The following FREM3 variants were observed in gnomAD, a reference collection of about 807,000 sequenced individuals.
The protein encoded by FREM3 is FRAS1-related extracellular matrix protein 3.
In FREM3, 105 loss-of-function variants were observed where a neutral mutation model predicts 129.1. The ratio of observed to expected loss-of-function variants is 0.81; its 90% CI spans 0.69 to 0.96. The LOEUF is 0.96. Ranked by LOEUF, FREM3 falls within the 40% of genes least tolerant of loss-of-function variation. FREM3 has a pLI of 0.00. For missense variants in FREM3, 2,593 were observed against 2,666.3 expected, an observed-to-expected ratio of 0.97 and a Z score of 0.61; for synonymous variants, 1,014 against 1,044.9, an observed-to-expected ratio of 0.97 and a Z score of 0.57.
chr4:143,677,963 A>G lies in FREM3; in HGVS notation c.5275+15150T>C, dbSNP rs1740175821. Among the ~76,000 whole-genome samples, 4 of 152,356 alleles carry G rather than the reference A, an allele frequency of 2.6e-5. No individual in the cohort carries two copies. The South Asian group carries it at 8.3e-4, about 32-fold the overall frequency. ...GGTGGGACTGTAAACTAGTTCAACCATTGTGGAAGTCAGTGTGGCGATTCC... is the reference window on the plus strand; with the variant it reads ...GGTGGGACTGTAAACTAGTTCAACCGTTGTGGAAGTCAGTGTGGCGATTCC... On this transcript the variant is annotated intron_variant, in intron 2 of 7. Transcript: ENST00000329798.
intron 6 of FREM3, among the ~76,000 whole-genome samples, chr4:143,591,512 A>C (rs927139948): frequency 1.3e-5 from 2 of 152,222 alleles, no homozygotes; most frequent in Non-Finnish European, 2.9e-5. Flanking sequence ...GTAGTCATTC[A>C]GGAGCAGGTT....
chr4:143,614,412 A>G (rs1341116309), intron 5 of FREM3, among the ~76,000 whole-genome samples: 1 of 152,230 alleles, frequency 6.6e-6, no homozygotes, highest in Non-Finnish European at 1.5e-5. Context: ...ATATTCTGAG[A>G]TAAAAGATAA....
intron 2 of FREM3, among the ~76,000 whole-genome samples, chr4:143,632,211 A>T (rs988339537): frequency 6.6e-6 from 1 of 152,124 alleles, no homozygotes; most frequent in East Asian, 1.9e-4. Flanking sequence ...AAATCAAAAA[A>T]ATCCTTGTTC....
chr4:143,672,309 C>T (rs139959517), intron 2 of FREM3, among the ~76,000 whole-genome samples: 2 of 152,184 alleles, frequency 1.3e-5, no homozygotes, highest in South Asian at 2.1e-4. Flanking sequence ...CTTGGAACAT[C>T]GACCAGCAAG....
Position 143,585,610 on chromosome 4 carries a change from G to A in FREM3, c.6178+234C>T, listed in dbSNP as rs145431923. ...CTGAACTTTGGAAAAATTAATGTGA[G>A]CCCATGACAAGCCAGTGGGTAATAA... On this transcript the variant is annotated intron_variant, in intron 7 of 7. Coordinates refer to ENST00000329798, the MANE Select transcript of FREM3 (RefSeq NM_001168235.2). The surrounding 1 kb of genome is among the most constrained non-coding windows in gnomAD (Gnocchi z 4.2). 1.8e-3 allele frequency among the ~76,000 whole-genome samples: 268 copies of A among 152,284 alleles called. 3 individuals carry two copies. The highest frequency in any genetic ancestry group is 6.8e-3 in the Middle Eastern group (2 of 294).
Position 143,697,864 on chromosome 4 carries a change from C to T in FREM3, c.2812G>A (p.Val938Met). 6.5e-7 allele frequency: 1 copy of T among 1,537,832 alleles called. No homozygotes were observed. Reference sequence around the variant, plus strand: ...GAGATCCTAGGACTTCTGTTAGCCACATTGGGATGCACAGAAATTGGGATG... The same window carrying T: ...GAGATCCTAGGACTTCTGTTAGCCATATTGGGATGCACAGAAATTGGGATG... ...ITIPISVHPN[V>M]ANRSPRISLR... Residue 938 changes from valine to methionine, a missense_variant, in exon 1 of 8, where the codon GTG becomes ATG. Coordinates refer to ENST00000329798, the MANE Select transcript of FREM3 (RefSeq NM_001168235.2).
chr4:143,608,275 C>T (rs1738699417), intron 6 of FREM3, among the ~76,000 whole-genome samples: 1 of 152,124 alleles, frequency 6.6e-6, no homozygotes, highest in Non-Finnish European at 1.5e-5. Flanking sequence ...TTTTGACAGC[C>T]ATTTGCTTGT....
intron 6 of FREM3, among the ~76,000 whole-genome samples, chr4:143,591,402 C>T (rs1358720725): frequency 6.6e-6 from 1 of 152,224 alleles, no homozygotes; most frequent in African/African-American, 2.4e-5. Context: ...CCTCTACACA[C>T]TGCTTTGAAT....
chr4:143,580,583 G>A (rs1277285503), intron 7 of FREM3, among the ~76,000 whole-genome samples: 1 of 152,082 alleles, frequency 6.6e-6, no homozygotes, highest in African/African-American at 2.4e-5. Context: ...CCCAGGATAG[G>A]GGCTCTGTGA....
intron 4 of FREM3, among the ~76,000 whole-genome samples, chr4:143,623,038 A>T (rs902614736): frequency 1.2e-4 from 19 of 152,238 alleles, no homozygotes; most frequent in African/African-American, 4.6e-4. Context: ...TATCTGCCAA[A>T]GTGCAGAGCA....
At chr4:143,671,576 G>C (rs1739965639) in intron 2 of FREM3, among the ~76,000 whole-genome samples, 1 of 151,902 alleles carries the variant, frequency 6.6e-6, no homozygotes, top group Non-Finnish European at 1.5e-5. Flanking sequence ...TTTGTTTTTT[G>C]ACTTTTCTGT....
chr4:143,683,942 G>C (rs925870925), intron 2 of FREM3, among the ~76,000 whole-genome samples: 11 of 151,980 alleles, frequency 7.2e-5, no homozygotes, highest in African/African-American at 2.7e-4. Context: ...AATCTTCCTA[G>C]GTGCACAACT....
intron 2 of FREM3, among the ~76,000 whole-genome samples, chr4:143,674,989 A>G (rs2149857011): frequency 6.6e-6 from 1 of 152,350 alleles, no homozygotes; most frequent in Non-Finnish European, 1.5e-5. Flanking sequence ...AACGAGAAAG[A>G]AAGTTAACAA....
intron 2 of FREM3, among the ~76,000 whole-genome samples, chr4:143,675,103 C>T (rs1330139883): frequency 1.3e-5 from 2 of 152,230 alleles, no homozygotes; most frequent in Non-Finnish European, 2.9e-5. Flanking sequence ...CTCAGCACCA[C>T]ACCACACCTA....
chr4:143,689,059 C>T (rs1375568552), intron 2 of FREM3, among the ~76,000 whole-genome samples: 1 of 152,064 alleles, frequency 6.6e-6, no homozygotes, highest in Non-Finnish European at 1.5e-5. Flanking sequence ...TTTTGCATGG[C>T]AAAAGGAACG....
At chr4:143,666,527 A>G (rs754111212) in intron 2 of FREM3, among the ~76,000 whole-genome samples, 3 of 152,186 alleles carry the variant, frequency 2.0e-5, no homozygotes, top group Non-Finnish European at 2.9e-5. Flanking sequence ...TATGATATGT[A>G]CATACAACGG....
At position 143,646,971 on chromosome 4, in the gene FREM3, G is replaced by C. The variant is rs1739429234; in HGVS notation, c.5276-19211C>G. 2.0e-5 allele frequency among the ~76,000 whole-genome samples: 3 copies of C among 152,140 alleles called. No homozygotes were observed. The South Asian group carries it at 6.2e-4, about 31-fold the overall frequency. ...ATGTGGAAAAGTTTAGAACTTCCTA[G>C]AGACTTGTAGGGCTCAGAAGAAGAC... is the stretch of plus-strand genomic sequence containing the variant. On this transcript the variant is annotated intron_variant, in intron 2 of 7. Transcript: ENST00000329798.
At chr4:143,647,060 G>A (rs1739430833) in intron 2 of FREM3, among the ~76,000 whole-genome samples, 1 of 152,198 alleles carries the variant, frequency 6.6e-6, no homozygotes, top group African/African-American at 2.4e-5. Flanking sequence ...CTAAAATGTT[G>A]ATAGTGATAT....
intron 2 of FREM3, among the ~76,000 whole-genome samples, chr4:143,661,634 C>G (rs1739725810): frequency 6.6e-6 from 1 of 152,032 alleles, no homozygotes; most frequent in Non-Finnish European, 1.5e-5. Flanking sequence ...CCCTCTTTTT[C>G]TATTGATTGG....
Sources: allele counts gnomAD v4.1 joint callset (sites outside exome capture counted in the v4.1 genomes callset), GRCh38; gene constraint gnomAD v4.1.1; non-coding constraint Gnocchi (gnomAD v3.1); transcripts MANE v1.5; gene names NCBI Gene and HGNC (gene_info 2026-07-23, HGNC 2026-07-21).